Variants in XKR5 observed in about 807,000 individuals in gnomAD.
XKR5 encodes the protein XK-related protein 5.
In XKR5, 46 loss-of-function variants were observed where a neutral mutation model predicts 40.8. The ratio of observed to expected loss-of-function variants is 1.13; its 90% confidence interval spans 0.89 to 1.44. XKR5 has a LOEUF of 1.44. Among genes scored for constraint, XKR5 ranks in the 40% most tolerant of loss-of-function variants. XKR5 has a pLI of 0.00. For synonymous variants in XKR5, 466 were observed against 356.1 expected, an observed-to-expected ratio of 1.31 and a Z score of -3.48; for missense variants, 1,169 against 844.7, an observed-to-expected ratio of 1.38 and a Z score of -4.76.
intron 3 of XKR5, among the ~76,000 whole-genome samples, chr8:6,824,504 T>A (rs1218987761): frequency 6.6e-6 from 1 of 152,164 alleles, no homozygotes; most frequent in Non-Finnish European, 1.5e-5. Context: ...TTTGAAGGTA[T>A]AAGCCTCTGG....
At chr8:6,831,100 C>T (rs985128161) in intron 2 of XKR5, among the ~76,000 whole-genome samples, 1 of 152,222 alleles carries the variant, frequency 6.6e-6, no homozygotes, top group Non-Finnish European at 1.5e-5. Flanking sequence ...CTCAACAGGC[C>T]TCTGTCCTCG....
chr8:6,815,829 C>T lies in XKR5; in HGVS notation c.897G>A (p.Gly299=), dbSNP rs781293194. Residue 299 remains glycine (G), a synonymous_variant, in exon 6 of 7, where the codon GGG becomes GGA. Coordinates refer to ENST00000618742, the MANE Select transcript of XKR5 (RefSeq NM_207411.5). ...TACCAATCAGAAATCCAGACAGGAC[C>T]CCAGCTATGGTCTGCAGGCTGGTCC... is the stretch of plus-strand genomic sequence containing the variant. ...ASWTSLQTIA[G]VLSGFLIGSV... is the part of the protein sequence containing the mutation. 2 of 1,604,298 alleles carry T rather than the reference C, an allele frequency of 1.2e-6. No homozygotes were observed. The highest frequency in any genetic ancestry group is 1.7e-6 in the Non-Finnish European group (2 of 1,175,336).
intron 3 of XKR5, among the ~76,000 whole-genome samples, chr8:6,824,921 G>A (rs938188684): frequency 6.6e-6 from 1 of 152,150 alleles, no homozygotes; most frequent in East Asian, 1.9e-4. Context: ...TTTGATTATG[G>A]GCAATTTCTA....
chr8:6,826,889 G>A (rs1020012604), intron 2 of XKR5, among the ~76,000 whole-genome samples: 1 of 152,286 alleles, frequency 6.6e-6, no homozygotes, highest in African/African-American at 2.4e-5. Context: ...GGTGGCCCAG[G>A]GCCACGGGGA....
chr8:6,821,359 G>A (rs1804216526), intron 5 of XKR5, among the ~76,000 whole-genome samples: 1 of 152,188 alleles, frequency 6.6e-6, no homozygotes, highest in Non-Finnish European at 1.5e-5. Flanking sequence ...CGTTCTGTCT[G>A]ATTTTGGTTA....
rs1251058718 is a variant in XKR5 at position 6,811,325 on chromosome 8, C to G, written c.1934G>C (p.Trp645Ser). The G allele has an allele frequency of 6.5e-7, 1 of 1,537,372 alleles. No individual in the cohort carries two copies. The highest frequency in any genetic ancestry group is 8.7e-7 in the Non-Finnish European group (1 of 1,146,950). The change falls in exon 7 of 7, where the codon TGG becomes TCG. Residue 645 changes from tryptophan (W) to serine (S), a missense_variant. Trp to Ser is a radical substitution (Grantham distance 177). Coordinates refer to ENST00000618742, the MANE Select transcript of XKR5 (RefSeq NM_207411.5). ...ELSHHAAVGVWVSLPQLRTAH... is the reference protein window; with the variant it reads ...ELSHHAAVGVSVSLPQLRTAH... Reference sequence around the variant, plus strand: ...AGTCCTCAGCTGTGGCAATGACACCCACACACCAACAGCTGCATGGTGACT... The same window carrying G: ...AGTCCTCAGCTGTGGCAATGACACCGACACACCAACAGCTGCATGGTGACT...
At chr8:6,828,153 C>T (rs534029598) in intron 2 of XKR5, among the ~76,000 whole-genome samples, 38 of 152,162 alleles carry the variant, frequency 2.5e-4, no homozygotes, top group Admixed American at 8.5e-4. Flanking sequence ...CATACAAATG[C>T]GAAAAGCTTC....
chr8:6,819,573 C>T (rs1038763871), intron 5 of XKR5, among the ~76,000 whole-genome samples: 3 of 152,180 alleles, frequency 2.0e-5, no homozygotes, highest in African/African-American at 7.2e-5. Context: ...CAGGGCTGCC[C>T]AGCACTGCCT....
rs1459230251 is a variant in XKR5, at chr8:6,825,409, G to A, written c.243-60C>T. 17 of 1,440,024 alleles carry A rather than the reference G, an allele frequency of 1.2e-5. No homozygotes were observed. In the South Asian group the frequency reaches 1.7e-4, roughly 14 times the overall value. 89.2% of individuals were successfully genotyped at this position (1,440,024 alleles called of 1,614,324 possible). On this transcript the variant is annotated intron_variant, in intron 2 of 6. Coordinates refer to ENST00000618742, the MANE Select transcript of XKR5 (RefSeq NM_207411.5). ...AGGCTGTGGCGAGATTCAATAGGACGAGCTTTCATTTAGAGACATACTACA... is the reference window on the plus strand; with the variant it reads ...AGGCTGTGGCGAGATTCAATAGGACAAGCTTTCATTTAGAGACATACTACA...
At chr8:6,826,549 C>T (rs927135501) in intron 2 of XKR5, among the ~76,000 whole-genome samples, 5 of 152,030 alleles carry the variant, frequency 3.3e-5, no homozygotes, top group Non-Finnish European at 5.9e-5. Flanking sequence ...AGGTTTCAGG[C>T]CTAAATGACT....
At chr8:6,825,589 C>CA (rs1804429940) in intron 2 of XKR5, among the ~76,000 whole-genome samples, 1 of 151,710 alleles carries the variant, frequency 6.6e-6, no homozygotes, top group African/African-American at 2.4e-5. Context: ...TCTGGTACCC[C>CA]AGTACCTGAC....
intron 6 of XKR5, among the ~76,000 whole-genome samples, chr8:6,814,411 A>G (rs1164359882): frequency 6.6e-6 from 1 of 152,154 alleles, no homozygotes; most frequent in African/African-American, 2.4e-5. Flanking sequence ...TTCACAACGC[A>G]TTCTCCAAGT....
chr8:6,808,831 C>A lies in XKR5; in HGVS notation c.*2367G>T, dbSNP rs1657022004. 6.6e-6 allele frequency: 1 copy of A among 152,196 alleles called. No individual in the cohort carries two copies. The highest frequency in any genetic ancestry group is 2.4e-5 in the African/African-American group (1 of 41,448). 9.4% of individuals were successfully genotyped at this position (152,196 alleles called of 1,614,324 possible). On this transcript the variant is annotated 3_prime_UTR_variant, in exon 7 of 7. Transcript: ENST00000618742. The stretch of plus-strand genomic sequence containing the variant: ...TCCCCATATCCCACCCTTACTTTTA[C>A]CCCATAACACAAATGCCGTTGATCC...
At chr8:6,818,254 T>C (rs1804057497) in intron 5 of XKR5, among the ~76,000 whole-genome samples, 1 of 152,226 alleles carries the variant, frequency 6.6e-6, no homozygotes, top group Non-Finnish European at 1.5e-5. Context: ...TCTAGCGCCG[T>C]CCACACCTTT....
At chr8:6,834,738 G>C (rs1220478064) in intron 1 of XKR5, among the ~76,000 whole-genome samples, 1 of 152,238 alleles carries the variant, frequency 6.6e-6, no homozygotes, top group Non-Finnish European at 1.5e-5. Context: ...AGTGGGCGGA[G>C]ACGCTCCTCC....
intron 2 of XKR5, among the ~76,000 whole-genome samples, chr8:6,825,903 C>A (rs940677489): frequency 6.6e-6 from 1 of 152,202 alleles, no homozygotes; most frequent in Non-Finnish European, 1.5e-5. Flanking sequence ...GCCAGAGGTC[C>A]AGGTGGCTGG....
At chr8:6,813,240 G>A (rs777920536) in intron 6 of XKR5, among the ~76,000 whole-genome samples, 7 of 152,170 alleles carry the variant, frequency 4.6e-5, no homozygotes, top group Non-Finnish European at 7.3e-5. Context: ...AAGGGAGGTG[G>A]ACTTTCTCCA....
intron 2 of XKR5, among the ~76,000 whole-genome samples, chr8:6,832,032 AAAAC>A (rs1178046536): frequency 0.011 from 1,588 of 145,862 alleles, 48 homozygotes; most frequent in South Asian, 0.04. Flanking sequence ...AAAAAAAAAA[AAAAC>A]AAACCTAACA....
chr8:6,816,977 C>G (rs994258181), intron 5 of XKR5, among the ~76,000 whole-genome samples: 1 of 152,150 alleles, frequency 6.6e-6, no homozygotes, highest in African/African-American at 2.4e-5. Flanking sequence ...GGCAGGGTTT[C>G]TGCCCTAAAT....
Sources: allele counts gnomAD v4.1 joint callset (sites outside exome capture counted in the v4.1 genomes callset), GRCh38; gene constraint gnomAD v4.1.1; transcripts MANE v1.5; gene names NCBI Gene and HGNC (gene_info 2026-07-23, HGNC 2026-07-21).